Variants in IPCEF1 observed in about 807,000 individuals in gnomAD.
IPCEF1 encodes interactor protein for cytohesin exchange factors 1.
A neutral mutation model predicts 50.9 loss-of-function variants in IPCEF1; 31 were observed. The observed-to-expected ratio is 0.61, with a 90% CI of 0.46 to 0.82. The LOEUF is 0.82. Ranked by LOEUF, IPCEF1 falls within the 40% of genes least tolerant of loss-of-function variation. IPCEF1 has a pLI of 0.00. For missense variants in IPCEF1, 458 were observed against 514.0 expected, an observed-to-expected ratio of 0.89 and a Z score of 1.05; for synonymous variants, 181 against 192.0, an observed-to-expected ratio of 0.94 and a Z score of 0.47.
intron 1 of IPCEF1, among the ~76,000 whole-genome samples, chr6:154,328,239 C>T (rs1057352041): frequency 6.6e-6 from 1 of 152,188 alleles, no homozygotes; most frequent in Non-Finnish European, 1.5e-5. Context: ...AAAAAATACA[C>T]ATTTTGGTTA....
At position 154,316,027 on chromosome 6, in the gene IPCEF1, T is replaced by C. The variant is rs114028015; in HGVS notation, c.-61-26271A>G. Among the ~76,000 whole-genome samples, 609 of 152,224 alleles carry C rather than the reference T, an allele frequency of 4.0e-3. 3 individuals carry two copies. Among genetic ancestry groups the C allele is most frequent in the African/African-American group, 0.014 (574 of 41,534 alleles). On this transcript the variant is annotated intron_variant, in intron 1 of 11. Coordinates refer to ENST00000367220, the MANE Select transcript of IPCEF1 (RefSeq NM_001130700.2). ...GGCATGAACCACCAGGCCTGGCTAA[T>C]TTTGGTATTTTCAGTAGAGACAGTT...
At chr6:154,250,072 G>A (rs1781299274) in intron 3 of IPCEF1, among the ~76,000 whole-genome samples, 1 of 152,132 alleles carries the variant, frequency 6.6e-6, no homozygotes. Flanking sequence ...AATTCAGGGA[G>A]TTTCAGTTTC....
intron 2 of IPCEF1, among the ~76,000 whole-genome samples, chr6:154,279,696 A>G (rs1782159286): frequency 6.6e-6 from 1 of 152,252 alleles, no homozygotes; most frequent in African/African-American, 2.4e-5. Flanking sequence ...ATTCCCATTC[A>G]TCAAAAGACA....
At position 154,237,471 on chromosome 6, in the gene IPCEF1, T is replaced by A. The variant is rs912882418; in HGVS notation, c.246+9120A>T. 2.0e-5 allele frequency among the ~76,000 whole-genome samples: 3 copies of A among 152,210 alleles called. 1 individual carries two copies. In the South Asian group the frequency reaches 6.2e-4, roughly 32 times the overall value. ...GGTATCTGAAAATTCCTAGCACAAT[T>A]CTCCTGCATCCTAAAATCTCAATAT... On this transcript the variant is annotated intron_variant, in intron 5 of 11. Transcript: ENST00000367220.
intron 1 of IPCEF1, among the ~76,000 whole-genome samples, chr6:154,337,381 G>C (rs373313557): frequency 2.6e-5 from 4 of 152,162 alleles, no homozygotes; most frequent in Admixed American, 1.3e-4. Context: ...AGAGAAAGAG[G>C]TACCGCCTTT....
In IPCEF1 at chr6:154,231,083, G is replaced by C. The variant is rs570685295; in HGVS notation, c.247-7840C>G. Among the ~76,000 whole-genome samples, 6 of 152,316 alleles carry C rather than the reference G, an allele frequency of 3.9e-5. No individual in the cohort carries two copies. In the East Asian group the frequency reaches 1.2e-3, roughly 29 times the overall value. On this transcript the variant is annotated intron_variant, in intron 5 of 11. Transcript: ENST00000367220. ...CAAAACCCCCAGGGCACTGGAAACA[G>C]ATGAGGTCTAAACTCTGAGCTGAGC...
chr6:154,295,927 A>G (rs948042284), intron 1 of IPCEF1, among the ~76,000 whole-genome samples: 8 of 151,934 alleles, frequency 5.3e-5, no homozygotes, highest in Non-Finnish European at 7.4e-5. Context: ...ACACACACAC[A>G]CACACACACT....
chr6:154,276,924 G>C (rs1466176518), intron 2 of IPCEF1, among the ~76,000 whole-genome samples: 2 of 152,204 alleles, frequency 1.3e-5, no homozygotes, highest in Non-Finnish European at 2.9e-5. Context: ...ACAATTCAGA[G>C]GGACCTTCGG....
chr6:154,321,226 C>T (rs1397164696), intron 1 of IPCEF1, among the ~76,000 whole-genome samples: 1 of 152,052 alleles, frequency 6.6e-6, no homozygotes, highest in African/African-American at 2.4e-5. Flanking sequence ...CCACCATGCC[C>T]AGCCTATATG....
intron 1 of IPCEF1, among the ~76,000 whole-genome samples, chr6:154,329,700 C>T (rs1028485414): frequency 1.3e-4 from 19 of 151,890 alleles, no homozygotes; most frequent in African/African-American, 3.9e-4. Flanking sequence ...TTCCTAGATT[C>T]GTCATGCAAA....
At chr6:154,316,316 G>C (rs1046832560) in intron 1 of IPCEF1, among the ~76,000 whole-genome samples, 1 of 152,078 alleles carries the variant, frequency 6.6e-6, no homozygotes, top group African/African-American at 2.4e-5. Context: ...TATGCACTGG[G>C]AAACCAAAAA....
chr6:154,269,005 T>C (rs1781829352), intron 2 of IPCEF1, among the ~76,000 whole-genome samples: 2 of 152,174 alleles, frequency 1.3e-5, no homozygotes, highest in East Asian at 1.9e-4. Flanking sequence ...AATTTTGCAA[T>C]TGGTCCTTTA....
At chr6:154,225,173 A>G (rs1262777872) in intron 5 of IPCEF1, among the ~76,000 whole-genome samples, 1 of 152,156 alleles carries the variant, frequency 6.6e-6, no homozygotes, top group Non-Finnish European at 1.5e-5. Flanking sequence ...ACACCCAATG[A>G]ATACTCCCTT....
At chr6:154,196,342 A>G (rs1776622876) in intron 10 of IPCEF1, among the ~76,000 whole-genome samples, 1 of 152,184 alleles carries the variant, frequency 6.6e-6, no homozygotes. Flanking sequence ...AAATCCTAAA[A>G]TCTGGCTCAT....
At chr6:154,318,083 A>G (rs1273996157) in intron 1 of IPCEF1, among the ~76,000 whole-genome samples, 3 of 152,224 alleles carry the variant, frequency 2.0e-5, no homozygotes, top group Admixed American at 6.5e-5. Context: ...AAGAAGTCAG[A>G]TATGTAAAAG....
At chr6:154,252,446 G>T (rs1781361262) in intron 3 of IPCEF1, among the ~76,000 whole-genome samples, 1 of 152,154 alleles carries the variant, frequency 6.6e-6, no homozygotes, top group Non-Finnish European at 1.5e-5. Context: ...GGAGGCCAGG[G>T]TGGGCGGATC....
At chr6:154,336,473 C>T (rs528005992) in intron 1 of IPCEF1, among the ~76,000 whole-genome samples, 1 of 152,208 alleles carries the variant, frequency 6.6e-6, no homozygotes, top group South Asian at 2.1e-4. Flanking sequence ...AAAAGTTGAT[C>T]TCGTGGAGAT....
chr6:154,334,893 T>A (rs1014373851), intron 1 of IPCEF1, among the ~76,000 whole-genome samples: 33 of 152,118 alleles, frequency 2.2e-4, no homozygotes, highest in African/African-American at 8.0e-4. Flanking sequence ...CTCTCTGATT[T>A]TCCCCCACCT....
At chr6:154,319,193 T>G (rs1005542768) in intron 1 of IPCEF1, among the ~76,000 whole-genome samples, 2 of 152,164 alleles carry the variant, frequency 1.3e-5, no homozygotes, top group Non-Finnish European at 2.9e-5. Context: ...AAACATGAAC[T>G]GTTTATAAAA....
Sources: gnomAD v4.1 joint callset for allele counts (sites outside exome capture counted in the v4.1 genomes callset) on GRCh38, gnomAD v4.1.1 for gene constraint, MANE v1.5 for transcripts, NCBI Gene and HGNC (gene_info 2026-07-23, HGNC 2026-07-21) for gene names.